RALYL: variants seen among roughly 807,000 people sequenced by gnomAD.
RALYL encodes RALY RNA binding protein like, also known as RNA-binding Raly-like protein.
A neutral mutation model predicts 35.1 loss-of-function variants in RALYL; 29 were observed. The observed-to-expected ratio is 0.83, with a 90% CI of 0.61 to 1.13. The LOEUF (loss-of-function observed/expected upper bound fraction) is 1.13, where lower values mean the gene tolerates loss of function less well. Ranked by LOEUF, RALYL falls within the 50% of genes most tolerant of loss-of-function variation. The pLI is 0.00. For missense variants in RALYL, 359 were observed against 360.4 expected (o/e 1.00, Z 0.03); for synonymous variants, 120 against 127.6 (o/e 0.94, Z 0.40).
intron 2 of RALYL, among the ~76,000 whole-genome samples, chr8:84,615,032 C>A (rs1159669789): frequency 6.6e-6 from 1 of 151,628 alleles, no homozygotes; most frequent in African/African-American, 2.4e-5. Context: ...TTATGTGCTA[C>A]TATATGTTCA....
chr8:84,691,821 G>A (rs549714715), intron 2 of RALYL, among the ~76,000 whole-genome samples: 1 of 152,010 alleles, frequency 6.6e-6, no homozygotes, highest in African/African-American at 2.4e-5. Context: ...ACTTTCTCAT[G>A]TGCATAGATA....
chr8:84,415,373 G>A (rs1339143652), intron 1 of RALYL, among the ~76,000 whole-genome samples: 1 of 151,608 alleles, frequency 6.6e-6, no homozygotes, highest in Non-Finnish European at 1.5e-5. Flanking sequence ...CCTAGTAGCT[G>A]GGATTACAGG....
intron 1 of RALYL, among the ~76,000 whole-genome samples, chr8:84,390,969 G>A (rs763047523): frequency 6.6e-6 from 1 of 151,980 alleles, no homozygotes; most frequent in Non-Finnish European, 1.5e-5. Flanking sequence ...CCACATGTCA[G>A]TTTGTTTCAG....
chr8:84,858,670 T>C (rs866605585), intron 5 of RALYL, among the ~76,000 whole-genome samples: 1 of 152,218 alleles, frequency 6.6e-6, no homozygotes, highest in Non-Finnish European at 1.5e-5. Flanking sequence ...GTAAAATTTC[T>C]TTGATTTACT....
intron 1 of RALYL, among the ~76,000 whole-genome samples, chr8:84,351,751 C>T (rs753534537): frequency 3.3e-5 from 5 of 150,014 alleles, no homozygotes; most frequent in Non-Finnish European, 7.4e-5. Flanking sequence ...TATGGTTGTT[C>T]CATAACTTTA....
At chr8:84,896,878 C>G in intron 8 of RALYL, among the ~76,000 whole-genome samples, 1 of 152,044 alleles carries the variant, frequency 6.6e-6, no homozygotes. Flanking sequence ...GATAGGGTCT[C>G]CAGATTTAGC....
At chr8:84,790,882 G>C (rs1348675084) in intron 3 of RALYL, among the ~76,000 whole-genome samples, 1 of 152,156 alleles carries the variant, frequency 6.6e-6, no homozygotes, top group Non-Finnish European at 1.5e-5. Flanking sequence ...GCCAGAACTT[G>C]GTGATTGCCA....
intron 1 of RALYL, among the ~76,000 whole-genome samples, chr8:84,341,353 G>A (rs1586441066): frequency 1.3e-5 from 2 of 151,898 alleles, no homozygotes; most frequent in East Asian, 1.9e-4. Flanking sequence ...GTTAACATGT[G>A]AAATTCTGTG....
In RALYL at chr8:84,228,183, T is replaced by G. The variant is rs891747724; in HGVS notation, c.-24+43759T>G. Among the ~76,000 whole-genome samples the G allele has an allele frequency of 3.4e-5, 5 of 147,274 alleles. No individual in the cohort carries two copies. The East Asian group carries it at 7.9e-4, about 23-fold the overall frequency. ...AAAAAAAAAAAAAAAAAAATGTGAT[T>G]GTGGTAGTTAATGTTCCAGTCAGAG... On this transcript the variant is annotated intron_variant, in intron 1 of 8. Coordinates refer to ENST00000521268, the MANE Select transcript of RALYL (RefSeq NM_173848.7).
At chr8:84,889,117 A>T (rs1843396093) in intron 8 of RALYL, among the ~76,000 whole-genome samples, 1 of 152,176 alleles carries the variant, frequency 6.6e-6, no homozygotes, top group South Asian at 2.1e-4. Flanking sequence ...GAAAGTCTGT[A>T]TCAGTTTGCA....
Position 84,439,549 on chromosome 8 carries a change from T to C in RALYL, c.-23-89750T>C, listed in dbSNP as rs181980410. Reference sequence around the variant, plus strand: ...TTTTGGATCATCATTTTTGAGGGAATCTTATTCCAATAAGCTACATGCATC... The same window carrying C: ...TTTTGGATCATCATTTTTGAGGGAACCTTATTCCAATAAGCTACATGCATC... On this transcript the variant is annotated intron_variant, in intron 1 of 8. Coordinates refer to ENST00000521268, the MANE Select transcript of RALYL (RefSeq NM_173848.7). 3.5e-3 allele frequency among the ~76,000 whole-genome samples: 529 copies of C among 152,300 alleles called. 9 individuals are homozygous for C. Among genetic ancestry groups the C allele is most frequent in the Middle Eastern group, 0.01 (3 of 294 alleles).
chr8:84,601,427 A>G (rs911848649), intron 2 of RALYL, among the ~76,000 whole-genome samples: 19 of 152,126 alleles, frequency 1.2e-4, no homozygotes, highest in Admixed American at 9.8e-4. Flanking sequence ...ATGAGAAATT[A>G]CCTAGAAACT....
chr8:84,800,844 A>G (rs1032184971), intron 3 of RALYL, among the ~76,000 whole-genome samples: 12 of 151,990 alleles, frequency 7.9e-5, no homozygotes, highest in Middle Eastern at 3.4e-3. Context: ...AAAATGATCT[A>G]TTCATACATT....
intron 8 of RALYL, among the ~76,000 whole-genome samples, chr8:84,888,952 G>T (rs1843368797): frequency 6.6e-6 from 1 of 152,118 alleles, no homozygotes; most frequent in South Asian, 2.1e-4. Flanking sequence ...GTTTCACCAT[G>T]TTGGCCAGGC....
chr8:84,583,581 A>G lies in RALYL; in HGVS notation c.256+54004A>G, dbSNP rs139802099. ...CTAGAAGTCCAGTAAAATTTAGGTT[A>G]TTTTGTATTAATGAAAAATTAAACA... On this transcript the variant is annotated intron_variant, in intron 2 of 8. Coordinates refer to ENST00000521268, the MANE Select transcript of RALYL (RefSeq NM_173848.7). Among the ~76,000 whole-genome samples, 309 of 152,284 alleles carry G rather than the reference A, an allele frequency of 2.0e-3. 2 individuals are homozygous for G. The Middle Eastern group carries it at 0.024, about 12-fold the overall frequency.
At chr8:84,558,469 G>A (rs997896729) in intron 2 of RALYL, among the ~76,000 whole-genome samples, 4 of 152,014 alleles carry the variant, frequency 2.6e-5, no homozygotes, top group African/African-American at 7.2e-5. Context: ...GACTTTTTTA[G>A]TTATAAGAGA....
chr8:84,406,630 A>G (rs561492659), intron 1 of RALYL, among the ~76,000 whole-genome samples: 43 of 152,136 alleles, frequency 2.8e-4, no homozygotes, highest in Non-Finnish European at 4.7e-4. Flanking sequence ...AAACATACGC[A>G]TACAACCTCT....
chr8:84,184,960 C>T (rs375522206), intron 1 of RALYL: 12 of 1,613,106 alleles, frequency 7.4e-6, no homozygotes, highest in Admixed American at 1.7e-5. Context: ...AGGATGGCAC[C>T]GGCCCTCGCA....
intron 4 of RALYL, among the ~76,000 whole-genome samples, chr8:84,836,322 G>A (rs1832014045): frequency 6.6e-6 from 1 of 152,090 alleles, no homozygotes; most frequent in Non-Finnish European, 1.5e-5. Flanking sequence ...TCTTAAGTTA[G>A]GTGGATTATT....
Sources: allele counts gnomAD v4.1 joint callset (sites outside exome capture counted in the v4.1 genomes callset), GRCh38; gene constraint gnomAD v4.1.1; transcripts MANE v1.5; gene names NCBI Gene and HGNC (gene_info 2026-07-23, HGNC 2026-07-21).